Variants in CNTN4 observed in about 807,000 individuals in gnomAD.
CNTN4 encodes the protein contactin-4.
In CNTN4, 77 loss-of-function variants were observed where a neutral mutation model predicts 122.5. The observed-to-expected ratio is 0.63, with a 90% confidence interval of 0.52 to 0.76. The LOEUF (loss-of-function observed/expected upper bound fraction) is 0.76. Among genes scored for constraint, CNTN4 ranks in the 30% least tolerant of loss-of-function variants. The pLI is 0.00. For missense variants in CNTN4, 1,256 were observed against 1,259.1 expected, an observed-to-expected ratio of 1.00 and a Z score of 0.04; for synonymous variants, 512 against 447.0, an observed-to-expected ratio of 1.15 and a Z score of -1.83.
chr3:2,879,831 C>A (rs6442763), intron 8 of CNTN4, among the ~76,000 whole-genome samples: 68,733 of 151,828 alleles, frequency 0.45, 16,286 homozygotes, highest in Middle Eastern at 0.6. Flanking sequence ...AAAATTGGTG[C>A]ACTTTTTAGT....
intron 4 of CNTN4, among the ~76,000 whole-genome samples, chr3:2,732,592 C>T (rs554252620): frequency 6.6e-6 from 1 of 152,132 alleles, no homozygotes; most frequent in African/African-American, 2.4e-5. Flanking sequence ...ACTTGAAAGT[C>T]ACTTTGTGGC....
At chr3:2,710,925 C>T (rs2087109791) in intron 4 of CNTN4, among the ~76,000 whole-genome samples, 1 of 152,086 alleles carries the variant, frequency 6.6e-6, no homozygotes, top group African/African-American at 2.4e-5. Context: ...TGTACTTGAC[C>T]CCAAGCTTCA....
At chr3:2,575,579 C>G (rs905855829) in intron 4 of CNTN4, among the ~76,000 whole-genome samples, 2 of 152,094 alleles carry the variant, frequency 1.3e-5, no homozygotes, top group African/African-American at 4.8e-5. Context: ...TACTAACTTT[C>G]TTTTGTCAAG....
At chr3:2,911,019 C>G (rs144244028) in intron 12 of CNTN4, among the ~76,000 whole-genome samples, 61 of 152,338 alleles carry the variant, frequency 4.0e-4, no homozygotes, top group African/African-American at 1.4e-3. Flanking sequence ...TAGCACAGAG[C>G]TATCAGTAGA....
At chr3:2,692,536 A>C (rs188089539) in intron 4 of CNTN4, among the ~76,000 whole-genome samples, 94 of 152,210 alleles carry the variant, frequency 6.2e-4, no homozygotes, top group African/African-American at 2.0e-3. Context: ...ATTAGGATTA[A>C]ATTTATCTTT....
At chr3:2,672,684 G>A (rs1481700170) in intron 4 of CNTN4, among the ~76,000 whole-genome samples, 2 of 152,332 alleles carry the variant, frequency 1.3e-5, no homozygotes, top group South Asian at 2.1e-4. Flanking sequence ...TTCGTCTTCT[G>A]TGTTGCTCAC....
At chr3:2,637,458 C>T (rs565960855) in intron 4 of CNTN4, among the ~76,000 whole-genome samples, 8 of 152,086 alleles carry the variant, frequency 5.3e-5, no homozygotes, top group African/African-American at 1.9e-4. Flanking sequence ...AAGAGTCCTC[C>T]TTTCAAAAGG....
intron 3 of CNTN4, among the ~76,000 whole-genome samples, chr3:2,464,898 G>C (rs1275970515): frequency 6.6e-6 from 1 of 152,200 alleles, no homozygotes; most frequent in East Asian, 1.9e-4. Context: ...TGGAGGCTTT[G>C]ATAACCTTAT....
At chr3:2,982,411 G>T (rs1694114048) in intron 13 of CNTN4, among the ~76,000 whole-genome samples, 1 of 152,092 alleles carries the variant, frequency 6.6e-6, no homozygotes, top group Non-Finnish European at 1.5e-5. Context: ...TTATATAACT[G>T]GGGCGTCCAA....
At chr3:2,259,867 C>T (rs1212985279) in intron 2 of CNTN4, among the ~76,000 whole-genome samples, 1 of 152,120 alleles carries the variant, frequency 6.6e-6, no homozygotes, top group Non-Finnish European at 1.5e-5. Context: ...CATTCTTTCC[C>T]ATCCATTGTA....
At chr3:2,961,742 G>A (rs574497523) in intron 13 of CNTN4, among the ~76,000 whole-genome samples, 1 of 152,118 alleles carries the variant, frequency 6.6e-6, no homozygotes. Flanking sequence ...TTTAAACAGG[G>A]CTTAGAGAGA....
chr3:2,557,626 A>T (rs972402410), intron 3 of CNTN4, among the ~76,000 whole-genome samples: 1 of 151,930 alleles, frequency 6.6e-6, no homozygotes, highest in Non-Finnish European at 1.5e-5. Flanking sequence ...CTACTCAGGA[A>T]GCTGAGGCAG....
At chr3:2,692,362 A>T (rs1417769017) in intron 4 of CNTN4, among the ~76,000 whole-genome samples, 1 of 151,848 alleles carries the variant, frequency 6.6e-6, no homozygotes, top group African/African-American at 2.4e-5. Flanking sequence ...AGTTCCAATA[A>T]TTTTCCTTTT....
intron 3 of CNTN4, among the ~76,000 whole-genome samples, chr3:2,340,710 T>TATATATATATATAGAGAGAGAGAG: frequency 1.4e-3 from 26 of 18,294 alleles, no homozygotes; most frequent in South Asian, 4.8e-3. Context: ...TATATATATA[T>TATATATATATATAGAGAGAGAGAG]AGAGAGAGAG....
chr3:2,755,598 C>G (rs190315969), intron 6 of CNTN4, among the ~76,000 whole-genome samples: 19 of 152,216 alleles, frequency 1.2e-4, no homozygotes, highest in African/African-American at 4.3e-4. Context: ...ATCTTAGGAG[C>G]TATTAAAGTA....
rs1316643620 is a variant in CNTN4 at position 2,250,060 on chromosome 3, C to T, written c.-144-89118C>T. ...CATTGCTCCAAAATATTGCTGTTTT[C>T]AGTATGGGTTTTGGGTCTCATATAG... On this transcript the variant is annotated intron_variant, in intron 2 of 24. Transcript: ENST00000418658. Among the ~76,000 whole-genome samples, 9 of 151,940 alleles carry T rather than the reference C, an allele frequency of 5.9e-5. No individual in the cohort carries two copies. The East Asian group carries it at 1.7e-3, about 29-fold the overall frequency.
intron 8 of CNTN4, among the ~76,000 whole-genome samples, chr3:2,868,080 T>C (rs938250268): frequency 6.6e-6 from 1 of 152,138 alleles, no homozygotes; most frequent in African/African-American, 2.4e-5. Flanking sequence ...CATTCAGATC[T>C]TCTATTATGA....
chr3:2,103,502 A>C (rs746590646), intron 2 of CNTN4, among the ~76,000 whole-genome samples: 1 of 152,142 alleles, frequency 6.6e-6, no homozygotes, highest in African/African-American at 2.4e-5. Flanking sequence ...TGAAGATTCT[A>C]TTGTGGGAGT....
chr3:2,408,339 C>T (rs1275718272), intron 3 of CNTN4, among the ~76,000 whole-genome samples: 1 of 152,186 alleles, frequency 6.6e-6, no homozygotes, highest in Non-Finnish European at 1.5e-5. Flanking sequence ...TGTCTGCCGC[C>T]TTCAACCATT....
Sources: gnomAD v4.1 joint callset for allele counts (sites outside exome capture counted in the v4.1 genomes callset) on GRCh38, gnomAD v4.1.1 for gene constraint, MANE v1.5 for transcripts, NCBI Gene and HGNC (gene_info 2026-07-23, HGNC 2026-07-21) for gene names.